Variants in OR10D3 observed in about 807,000 individuals in gnomAD.
OR10D3 encodes the protein olfactory receptor 10D3.
For missense variants in OR10D3, 286 were observed against 153.7 expected (o/e 1.86, Z -4.55); for synonymous variants, 100 against 57.6 (o/e 1.74, Z -3.33).
exon 2 of OR10D3, chr11:124,186,141 G>A: frequency 1.4e-6 from 1 of 702,970 alleles, no homozygotes; most frequent in Non-Finnish European, 2.6e-6. Context: ...TATACCTTGA[G>A]GAATAAGGAA....
chr11:124,186,500 A>AAT (rs376416184), exon 2 of OR10D3: 10 of 150,414 alleles, frequency 6.6e-5, no homozygotes, highest in African/African-American at 1.9e-4. Flanking sequence ...CCATCCTGCC[A>AAT]TTTTTTTTTT....
At chr11:124,185,448 A>G (rs892204561) in exon 2 of OR10D3, 2 of 702,856 alleles carry the variant, frequency 2.8e-6, no homozygotes, top group African/African-American at 3.5e-5. Flanking sequence ...ACACCTATGT[A>G]TTTCTTCCTG....
chr11:124,185,859 G>A (rs7937809), exon 2 of OR10D3: 257,579 of 703,210 alleles, frequency 0.37, 48,605 homozygotes, highest in East Asian at 0.44. Context: ...TTAGCCCAGA[G>A]GGTGAGCTTC....
chr11:124,186,256 A>C, exon 2 of OR10D3: 3 of 630,566 alleles, frequency 4.8e-6, no homozygotes, highest in Non-Finnish European at 8.5e-6. Context: ...TTTTGCTTTG[A>C]CCTAAGAAAT....
chr11:124,186,071 C>T (rs1861222432), exon 2 of OR10D3: 1 of 703,268 alleles, frequency 1.4e-6, no homozygotes, highest in Non-Finnish European at 2.6e-6. Flanking sequence ...CAACCCCATG[C>T]TGGGAACCGT....
exon 2 of OR10D3, chr11:124,187,719 A>T (rs1264110582): frequency 6.6e-6 from 1 of 152,174 alleles, no homozygotes; most frequent in African/African-American, 2.4e-5. Context: ...TCAAGTATAT[A>T]ATTGTCTTAG....
chr11:124,184,750 T>C (rs1057003731), intron 1 of OR10D3, among the ~76,000 whole-genome samples: 1 of 152,228 alleles, frequency 6.6e-6, no homozygotes, highest in African/African-American at 2.4e-5. Flanking sequence ...GGAGATCATG[T>C]TGTATAAGTG....
At chr11:124,185,343 T>C (rs1591376778) in exon 2 of OR10D3, 1 of 703,354 alleles carries the variant, frequency 1.4e-6, no homozygotes, top group Admixed American at 2.0e-5. Context: ...GGGCTGGAGA[T>C]GACACTTTTT....
chr11:124,185,147 G>A (rs1429882587), intron 1 of OR10D3, 112 bp from the exon 2 acceptor site: 2 of 598,884 alleles, frequency 3.3e-6, no homozygotes, highest in Admixed American at 5.9e-5. Context: ...CCATAACTTA[G>A]ATGCAAATCA....
chr11:124,187,264 A>T (rs1861236928), exon 2 of OR10D3: 2 of 152,204 alleles, frequency 1.3e-5, no homozygotes, highest in African/African-American at 4.8e-5. Flanking sequence ...AGCTTCAAGG[A>T]TCATTTCATT....
chr11:124,185,654 C>T, exon 2 of OR10D3: 2 of 703,670 alleles, frequency 2.8e-6, no homozygotes, highest in African/African-American at 3.5e-5. Flanking sequence ...CATCTGTTAT[C>T]CTCTGCGATA....
intron 1 of OR10D3, 147 bp downstream of exon 1, chr11:124,183,530 CCCTCCCTG>C (rs1861187309): frequency 1.8e-5 from 2 of 109,654 alleles, no homozygotes; most frequent in African/African-American, 3.5e-5. Context: ...TTCCCTCCCT[CCCTCCCTG>C]CCTCCTTCCC....
At chr11:124,183,538 G>GCCTCCTTCCCTCCTTC (rs1239265590) in intron 1 of OR10D3, among the ~76,000 whole-genome samples, 155 bp downstream of exon 1, 1 of 63,120 alleles carries the variant, frequency 1.6e-5, no homozygotes, top group Non-Finnish European at 2.8e-5. Context: ...CTCCCTCCCT[G>GCCTCCTTCCCTCCTTC]CCTCCTTCCC....
chr11:124,186,122 C>G, exon 2 of OR10D3: 1 of 703,036 alleles, frequency 1.4e-6, no homozygotes, highest in Non-Finnish European at 2.6e-6. Flanking sequence ...AATGCTGAAC[C>G]CTTTGATCTA....
chr11:124,188,376 A>G (rs1428166532), exon 2 of OR10D3: 3 of 152,300 alleles, frequency 2.0e-5, no homozygotes, highest in Non-Finnish European at 4.4e-5. Flanking sequence ...ATGACTGAGA[A>G]TACAAAAATC....
chr11:124,184,066 T>C (rs1420398236), intron 1 of OR10D3, among the ~76,000 whole-genome samples: 2 of 152,220 alleles, frequency 1.3e-5, no homozygotes, highest in Admixed American at 6.5e-5. Context: ...GTAGCACTTG[T>C]CTTGGGTCTG....
At chr11:124,184,362 AAC>A (rs1025518024) in intron 1 of OR10D3, 1 of 152,182 alleles carries the variant, frequency 6.6e-6, no homozygotes, top group African/African-American at 2.4e-5. Context: ...TATAATCGTA[AAC>A]ACAAAAAATA....
At chr11:124,184,901 C>A (rs1022968676) in intron 1 of OR10D3, among the ~76,000 whole-genome samples, 1 of 152,088 alleles carries the variant, frequency 6.6e-6, no homozygotes, top group Non-Finnish European at 1.5e-5. Context: ...ATAAAAAAGC[C>A]CTCAAATAAT....
At chr11:124,183,567 C>CTT (rs1467080915) in intron 1 of OR10D3, among the ~76,000 whole-genome samples, 184 bp downstream of exon 1, 1 of 131,604 alleles carries the variant, frequency 7.6e-6, no homozygotes, top group Non-Finnish European at 1.6e-5. Context: ...TCCTTCCCTC[C>CTT]CTCCCTCCCT....
Sources: gnomAD v4.1 joint callset for allele counts (sites outside exome capture counted in the v4.1 genomes callset) on GRCh38, gnomAD v4.1.1 for gene constraint, MANE v1.5 for transcripts, NCBI Gene and HGNC (gene_info 2026-07-23, HGNC 2026-07-21) for gene names.